Variants in NWD2 observed in about 807,000 individuals in gnomAD.
NWD2 encodes the protein NACHT and WD repeat domain-containing protein 2.
Under a neutral mutation model 132.7 loss-of-function variants are expected in NWD2, and 37 were observed. That is an observed-to-expected ratio of 0.28 (90% CI 0.21 to 0.37). The LOEUF (loss-of-function observed/expected upper bound fraction) is 0.37, where lower values mean the gene tolerates loss of function less well. NWD2 is among the 10% of genes least tolerant of loss of function. NWD2 has a pLI of 1.00. For synonymous variants in NWD2, 705 were observed against 803.0 expected, an observed-to-expected ratio of 0.88 and a Z score of 2.06; for missense variants, 1,592 against 2,122.4, an observed-to-expected ratio of 0.75 and a Z score of 4.91.
In NWD2 at chr4:37,245,124, G is replaced by A. The variant is rs2109252355; in HGVS notation, c.57G>A (p.Arg19=). 1.3e-6 allele frequency: 2 copies of A among 1,547,894 alleles called. No individual in the cohort carries two copies. Among genetic ancestry groups the A allele is most frequent in the Non-Finnish European group, 8.7e-7 (1 of 1,146,678 alleles). The part of the protein sequence containing the change: ...KLPCPRDSAL[R]RAAFSGNLTA... ...CCTGTCCCCGAGACTCTGCGCTCCG[G>A]CGGGCGGCTTTCTCTGGGAACCTCA... The change falls in exon 1 of 7, where the codon CGG becomes CGA. Residue 19 remains arginine, a synonymous_variant. Coordinates refer to ENST00000309447, the MANE Select transcript of NWD2 (RefSeq NM_001144990.2).
chr4:37,427,492 G>A (rs1712038201), intron 3 of NWD2, among the ~76,000 whole-genome samples: 1 of 152,208 alleles, frequency 6.6e-6, no homozygotes, highest in Admixed American at 6.5e-5. Context: ...ACATAAACCT[G>A]TTATCAAGAT....
Position 37,447,177 on chromosome 4 carries a change from C to T in NWD2, c.5189C>T (p.Ala1730Val), listed in dbSNP as rs1193807568. 2 of 1,551,184 alleles carry T rather than the reference C, an allele frequency of 1.3e-6. No individual in the cohort carries two copies. The highest frequency in any genetic ancestry group is 1.7e-6 in the Non-Finnish European group (2 of 1,146,956). ...HNSCYERVCS[A>V]LEARGHSYAP... ...TCTTGTTATGAGCGGGTATGCTCGG[C>T]CCTAGAAGCCAGGGGCCACAGCTAT... Residue 1730 changes from alanine (A) to valine (V), a missense_variant, in exon 7 of 7, where the codon GCC becomes GTC. Around this residue, in one of 7 missense-constraint regions of NWD2, gnomAD observed 257 missense variants for 335.0 expected, o/e 0.77. Coordinates refer to ENST00000309447, the MANE Select transcript of NWD2 (RefSeq NM_001144990.2).
At chr4:37,352,663 C>A (rs1158550294) in intron 2 of NWD2, among the ~76,000 whole-genome samples, 1 of 152,136 alleles carries the variant, frequency 6.6e-6, no homozygotes, top group African/African-American at 2.4e-5. Flanking sequence ...TCTGTTTTAT[C>A]AGAGACTAGG....
At chr4:37,329,035 C>T (rs953636323) in intron 2 of NWD2, among the ~76,000 whole-genome samples, 1 of 141,088 alleles carries the variant, frequency 7.1e-6, no homozygotes, top group Admixed American at 7.0e-5. Flanking sequence ...TGAATGGTTA[C>T]ATGAAAAAAA....
intron 1 of NWD2, among the ~76,000 whole-genome samples, chr4:37,294,063 C>T (rs956375834): frequency 6.6e-6 from 1 of 152,080 alleles, no homozygotes; most frequent in Non-Finnish European, 1.5e-5. Flanking sequence ...TCCCCACCCC[C>T]CTACTCCTTT....
At chr4:37,293,807 G>T (rs918876585) in intron 1 of NWD2, among the ~76,000 whole-genome samples, 1 of 150,714 alleles carries the variant, frequency 6.6e-6, no homozygotes, top group African/African-American at 2.4e-5. Flanking sequence ...TTCAGCTATT[G>T]TTATTCCTAC....
At chr4:37,366,764 A>G (rs1181529480) in intron 3 of NWD2, among the ~76,000 whole-genome samples, 2 of 152,174 alleles carry the variant, frequency 1.3e-5, no homozygotes, top group African/African-American at 4.8e-5. Context: ...TTTCATAATG[A>G]TAAAAGGTTC....
chr4:37,395,754 A>G (rs2109313537), intron 3 of NWD2, among the ~76,000 whole-genome samples: 1 of 151,644 alleles, frequency 6.6e-6, no homozygotes, highest in South Asian at 2.1e-4. Flanking sequence ...TTTTCAGGTC[A>G]ATATAAGGGA....
chr4:37,256,500 AGATCACACTC>A (rs150654655), intron 1 of NWD2, among the ~76,000 whole-genome samples: 13 of 152,334 alleles, frequency 8.5e-5, no homozygotes, highest in Middle Eastern at 3.4e-3. Context: ...GCTTCAGAAG[AGATCACACTC>A]GATTGATGAT....
intron 3 of NWD2, among the ~76,000 whole-genome samples, chr4:37,359,676 C>T (rs1460585462): frequency 6.6e-6 from 1 of 152,094 alleles, no homozygotes; most frequent in Non-Finnish European, 1.5e-5. Flanking sequence ...AAATTAAGGA[C>T]CAGATGAAGC....
chr4:37,438,398 A>AC (rs1712381471), intron 5 of NWD2, among the ~76,000 whole-genome samples: 1 of 152,228 alleles, frequency 6.6e-6, no homozygotes, highest in Non-Finnish European at 1.5e-5. Context: ...TTAACTAGTT[A>AC]CATCCTTCAG....
At chr4:37,291,914 A>G (rs1269333130) in intron 1 of NWD2, among the ~76,000 whole-genome samples, 1 of 152,202 alleles carries the variant, frequency 6.6e-6, no homozygotes, top group Admixed American at 6.5e-5. Context: ...CTTCTCTGCA[A>G]TTTGTCATTT....
Position 37,447,152 on chromosome 4 carries a change from T to G in NWD2, c.5164T>G (p.Ser1722Ala). 1 of 1,551,288 alleles carries G rather than the reference T, an allele frequency of 6.4e-7. No homozygotes were observed. The highest frequency in any genetic ancestry group is 2.4e-5 in the East Asian group (1 of 40,912). ...NEATPSKKHN[S>A]CYERVCSALE... ...AGCAACACCCTCCAAGAAACACAAC[T>G]CTTGTTATGAGCGGGTATGCTCGGC... Residue 1722 changes from serine to alanine, a missense_variant, in exon 7 of 7, where the codon TCT becomes GCT. This residue lies in a region of NWD2 where 257 missense variants were observed against 335.0 expected (regional missense o/e 0.77). Transcript: ENST00000309447.
chr4:37,409,851 T>G (rs1205937163), intron 3 of NWD2, among the ~76,000 whole-genome samples: 4 of 152,164 alleles, frequency 2.6e-5, no homozygotes, highest in Non-Finnish European at 1.5e-5. Context: ...GGGCCAATAT[T>G]CAACATTCTT....
chr4:37,418,307 T>A (rs374373057), intron 3 of NWD2, among the ~76,000 whole-genome samples: 1 of 107,234 alleles, frequency 9.3e-6, no homozygotes, highest in Non-Finnish European at 2.1e-5. Flanking sequence ...TAATATAAAC[T>A]GTTTAATAAA....
At chr4:37,388,962 G>A (rs1355327109) in intron 3 of NWD2, among the ~76,000 whole-genome samples, 3 of 151,302 alleles carry the variant, frequency 2.0e-5, no homozygotes, top group Admixed American at 6.6e-5. Context: ...CCAGAAACAT[G>A]GAGAGTTGAT....
chr4:37,335,871 A>G (rs1719396215), intron 2 of NWD2, among the ~76,000 whole-genome samples: 1 of 148,930 alleles, frequency 6.7e-6, no homozygotes, highest in Non-Finnish European at 1.5e-5. Context: ...TACTAGATCC[A>G]TAATAAATGG....
chr4:37,389,491 C>T (rs142030494), intron 3 of NWD2, among the ~76,000 whole-genome samples: 2 of 152,346 alleles, frequency 1.3e-5, no homozygotes, highest in East Asian at 1.9e-4. Flanking sequence ...TGTCACTTTT[C>T]GAATCCATCC....
At chr4:37,255,851 G>A (rs1717508234) in intron 1 of NWD2, among the ~76,000 whole-genome samples, 1 of 152,278 alleles carries the variant, frequency 6.6e-6, no homozygotes, top group East Asian at 1.9e-4. Context: ...GGTTACTATT[G>A]AGCCCAGAGA....
Sources: gnomAD v4.1 joint callset for allele counts (sites outside exome capture counted in the v4.1 genomes callset) on GRCh38, gnomAD v4.1.1 for gene constraint, gnomAD v4.1.1 regional missense constraint, MANE v1.5 for transcripts, NCBI Gene and HGNC (gene_info 2026-07-23, HGNC 2026-07-21) for gene names.